PPP1R1C: variants seen among roughly 807,000 people sequenced by gnomAD.
PPP1R1C encodes protein phosphatase 1 regulatory inhibitor subunit 1C.
PPP1R1C carries 15 observed loss-of-function variants against 17.4 expected under a neutral mutation model. The observed-to-expected ratio is 0.86, with a 90% CI of 0.58 to 1.33. PPP1R1C has a LOEUF of 1.33. PPP1R1C is among the 40% of genes most tolerant of loss of function. The pLI is 0.00. For synonymous variants in PPP1R1C, 35 were observed against 43.1 expected, an observed-to-expected ratio of 0.81 and a Z score of 0.73; for missense variants, 143 against 130.0, an observed-to-expected ratio of 1.10 and a Z score of -0.48.
chr2:182,015,122 C>T (rs1012992526), intron 2 of PPP1R1C, among the ~76,000 whole-genome samples: 5 of 152,132 alleles, frequency 3.3e-5, no homozygotes, highest in Non-Finnish European at 5.9e-5. Context: ...AGAAGGAGTC[C>T]GATATGGTTT....
At chr2:182,034,017 C>T (rs1377577376) in intron 2 of PPP1R1C, among the ~76,000 whole-genome samples, 7 of 152,142 alleles carry the variant, frequency 4.6e-5, no homozygotes, top group Non-Finnish European at 7.4e-5. Context: ...TTTTTAACTC[C>T]AGGCTATAAT....
intron 2 of PPP1R1C, among the ~76,000 whole-genome samples, chr2:182,012,371 C>T (rs576468832): frequency 3.3e-5 from 5 of 151,932 alleles, no homozygotes; most frequent in African/African-American, 7.2e-5. Context: ...CTCTTTGTCT[C>T]TTCTTATAGT....
intron 2 of PPP1R1C, among the ~76,000 whole-genome samples, chr2:181,979,012 T>C (rs1184573710): frequency 6.6e-6 from 1 of 152,220 alleles, no homozygotes; most frequent in Non-Finnish European, 1.5e-5. Flanking sequence ...TTATGCCATG[T>C]GCTGAACAGT....
chr2:181,990,345 C>T (rs879262937), intron 2 of PPP1R1C, among the ~76,000 whole-genome samples: 13 of 151,860 alleles, frequency 8.6e-5, no homozygotes, highest in Non-Finnish European at 1.6e-4. Flanking sequence ...GGGGTTTCAC[C>T]GTGTTAGCCG....
At position 181,967,191 on chromosome 2, in the gene PPP1R1C, G is replaced by GT. The variant is rs1684919087; in HGVS notation, n.112-8022dup. On this transcript the variant is annotated intron_variant and non_coding_transcript_variant, in intron 1 of 5. Coordinates refer to the PPP1R1C transcript ENST00000464264. This position sits in a 1 kb window ranked among gnomAD's most constrained non-coding sequence, Gnocchi z 5.5. ...ATTTTATTTATTTGAGTCTTCTCTC[G>GT]TTTTTTGTTAGTAAGTCTGGCTAAA... 6.6e-6 allele frequency among the ~76,000 whole-genome samples: 1 copy of GT among 151,964 alleles called. No homozygotes were observed. Among genetic ancestry groups the GT allele is most frequent in the Middle Eastern group, 3.4e-3 (1 of 294 alleles).
chr2:182,076,392 G>A (rs1374503840), intron 4 of PPP1R1C, among the ~76,000 whole-genome samples: 1 of 149,556 alleles, frequency 6.7e-6, no homozygotes, highest in Non-Finnish European at 1.5e-5. Flanking sequence ...TTCTATAATA[G>A]AAAAAAGGGA....
chr2:181,994,007 T>C (rs1033870432), intron 2 of PPP1R1C, among the ~76,000 whole-genome samples: 2 of 141,434 alleles, frequency 1.4e-5, no homozygotes, highest in Admixed American at 7.0e-5. Flanking sequence ...AAAACAGTAG[T>C]AGTGGGTAAG....
intron 2 of PPP1R1C, among the ~76,000 whole-genome samples, chr2:181,991,321 G>T (rs1308656302): frequency 6.6e-6 from 1 of 151,938 alleles, no homozygotes; most frequent in South Asian, 2.1e-4. Context: ...GTATTCTAGG[G>T]GCAGCATAAT....
At chr2:182,008,975 T>C (rs531902976) in intron 2 of PPP1R1C, among the ~76,000 whole-genome samples, 4 of 152,232 alleles carry the variant, frequency 2.6e-5, no homozygotes, top group Non-Finnish European at 4.4e-5. Flanking sequence ...TTCTTTTTTA[T>C]GGCTGAAGAG....
At chr2:182,082,482 C>G (rs1226940560) in intron 4 of PPP1R1C, among the ~76,000 whole-genome samples, 1 of 152,068 alleles carries the variant, frequency 6.6e-6, no homozygotes, top group Non-Finnish European at 1.5e-5. Context: ...ACAAGGTTTT[C>G]TGAGTTTCTG....
intron 4 of PPP1R1C, among the ~76,000 whole-genome samples, chr2:182,064,444 C>G (rs1050443126): frequency 3.3e-5 from 5 of 152,026 alleles, no homozygotes; most frequent in African/African-American, 1.2e-4. Flanking sequence ...CCAGTCTACT[C>G]TCTCATGTTT....
chr2:182,031,082 G>A (rs1464883324), intron 2 of PPP1R1C: 1 of 154,706 alleles, frequency 6.5e-6, no homozygotes. Context: ...TGCGCAAGGT[G>A]CGCGCACCCA....
chr2:182,075,165 G>A (rs546953721), intron 4 of PPP1R1C, among the ~76,000 whole-genome samples: 2 of 152,264 alleles, frequency 1.3e-5, no homozygotes, highest in South Asian at 4.1e-4. Flanking sequence ...ATTATCCTTG[G>A]TAGGTATACT....
chr2:182,076,181 C>CTTTTTT lies in PPP1R1C; in HGVS notation c.241+12395_241+12400dup, dbSNP rs1319925818. 3.2e-4 allele frequency among the ~76,000 whole-genome samples: 15 copies of CTTTTTT among 47,480 alleles called. 2 individuals are homozygous for CTTTTTT. Among genetic ancestry groups the CTTTTTT allele is most frequent in the African/African-American group, 1.2e-3 (14 of 11,566 alleles). The allele number at this position is 47,480 out of a possible 152,430, so 31.1% of individuals were successfully genotyped here. On this transcript the variant is annotated intron_variant, in intron 4 of 4. Coordinates refer to ENST00000682840, the MANE Select transcript of PPP1R1C (RefSeq NM_001080545.3). ...TTATCTATAAATCAAGGATTTTGAA[C>CTTTTTT]TTTTTTTTTTCTTTTCTTTTTTTTT...
intron 4 of PPP1R1C, among the ~76,000 whole-genome samples, chr2:182,085,051 G>C (rs1688586289): frequency 6.6e-6 from 1 of 151,958 alleles, no homozygotes; most frequent in Non-Finnish European, 1.5e-5. Context: ...TTAATTCTCA[G>C]CTTGGTCATT....
chr2:181,974,692 G>A (rs1255352167), intron 1 of PPP1R1C, among the ~76,000 whole-genome samples: 1 of 152,198 alleles, frequency 6.6e-6, no homozygotes, highest in African/African-American at 2.4e-5. Flanking sequence ...AGGTGTAAAG[G>A]TGTGAAATGG....
intron 2 of PPP1R1C, among the ~76,000 whole-genome samples, chr2:181,978,728 C>G (rs1685141769): frequency 6.6e-6 from 1 of 151,792 alleles, no homozygotes; most frequent in Non-Finnish European, 1.5e-5. Context: ...TCTCTGTGTT[C>G]TATAGTTTAC....
intron 1 of PPP1R1C, among the ~76,000 whole-genome samples, chr2:181,963,279 T>C (rs1339696440): frequency 6.6e-6 from 1 of 152,176 alleles, no homozygotes; most frequent in Non-Finnish European, 1.5e-5. Context: ...GTAGCATGAA[T>C]AGAAAAAACA....
At chr2:182,107,720 G>A (rs1689294478) in intron 4 of PPP1R1C, among the ~76,000 whole-genome samples, 1 of 152,036 alleles carries the variant, frequency 6.6e-6, no homozygotes. Flanking sequence ...CTATTACAGT[G>A]TATCCTTTCT....
Sources: allele counts gnomAD v4.1 joint callset (sites outside exome capture counted in the v4.1 genomes callset), GRCh38; gene constraint gnomAD v4.1.1; non-coding constraint Gnocchi (gnomAD v3.1); transcripts MANE v1.5; gene names NCBI Gene and HGNC (gene_info 2026-07-23, HGNC 2026-07-21).